The following ANO10 variants were observed in gnomAD, a reference collection of about 807,000 sequenced individuals.
The protein encoded by ANO10 is anoctamin 10, also known as anoctamin-10.
In ANO10, 77 loss-of-function variants were observed where a neutral mutation model predicts 74.7. The observed-to-expected ratio is 1.03, with a 90% CI of 0.86 to 1.25. ANO10 has a LOEUF of 1.25. Ranked by LOEUF, ANO10 falls within the 50% of genes most tolerant of loss-of-function variation. The pLI, the probability that ANO10 is intolerant of heterozygous loss-of-function variation, is 0.00. For synonymous variants in ANO10, 279 were observed against 284.9 expected (o/e 0.98, Z 0.21); for missense variants, 721 against 778.1 (o/e 0.93, Z 0.87).
At chr3:43,655,520 G>C (rs2083839338) in intron 1 of ANO10, among the ~76,000 whole-genome samples, 1 of 152,220 alleles carries the variant, frequency 6.6e-6, no homozygotes, top group Non-Finnish European at 1.5e-5. Flanking sequence ...GGCTGGGGCA[G>C]CCTGCTTTTA....
rs387906336 is a variant in ANO10, at chr3:43,691,032, GGA to G, written c.-12+483_-12+484del. On this transcript the variant is annotated intron_variant, in intron 1 of 3. Coordinates refer to the ANO10 transcript ENST00000413397. ...GGAGGAGGTGGACTCTGCCGACACC[GGA>G]GAGAGGTAAGCGCAGCCGGCAGGGG... 3 of 1,560,480 alleles carry G rather than the reference GGA, an allele frequency of 1.9e-6. No homozygotes were observed. The highest frequency in any genetic ancestry group is 2.6e-6 in the Non-Finnish European group (3 of 1,155,558).
At chr3:43,575,218 A>T (rs771453712) in intron 6 of ANO10, among the ~76,000 whole-genome samples, 1 of 152,078 alleles carries the variant, frequency 6.6e-6, no homozygotes, top group African/African-American at 2.4e-5. Flanking sequence ...GGCAATAAAT[A>T]AAGTTTTCTG....
intron 12 of ANO10, among the ~76,000 whole-genome samples, chr3:43,406,346 C>A (rs1318341404): frequency 6.6e-6 from 1 of 152,212 alleles, no homozygotes; most frequent in Non-Finnish European, 1.5e-5. Context: ...TTCTCACTCA[C>A]CACATTCAGC....
intron 11 of ANO10, among the ~76,000 whole-genome samples, chr3:43,486,206 A>G (rs914184112): frequency 3.9e-5 from 6 of 152,218 alleles, no homozygotes; most frequent in African/African-American, 1.4e-4. Context: ...GCCTCTAGCT[A>G]TGAGGCTTCA....
At chr3:43,394,377 C>T (rs1223747700) in intron 12 of ANO10, among the ~76,000 whole-genome samples, 1 of 152,128 alleles carries the variant, frequency 6.6e-6, no homozygotes, top group Non-Finnish European at 1.5e-5. Context: ...AATATACCAC[C>T]AGTAGCTCTG....
chr3:43,458,559 C>A (rs368325828), intron 11 of ANO10, among the ~76,000 whole-genome samples: 1 of 152,156 alleles, frequency 6.6e-6, no homozygotes, highest in African/African-American at 2.4e-5. Flanking sequence ...TTATGCATTA[C>A]AAATTCCTAT....
intron 11 of ANO10, among the ~76,000 whole-genome samples, chr3:43,454,922 C>T (rs2075057583): frequency 6.6e-6 from 1 of 151,948 alleles, no homozygotes; most frequent in South Asian, 2.1e-4. Flanking sequence ...TGAGGATGAT[C>T]CTATAGAAAG....
intron 11 of ANO10, among the ~76,000 whole-genome samples, chr3:43,501,351 G>A (rs776489243): frequency 6.6e-6 from 1 of 152,258 alleles, no homozygotes; most frequent in Non-Finnish European, 1.5e-5. Context: ...GGATCTGCCC[G>A]CATGACCCAA....
At chr3:43,683,958 A>C (rs2084238867) in intron 1 of ANO10, among the ~76,000 whole-genome samples, 1 of 152,226 alleles carries the variant, frequency 6.6e-6, no homozygotes, top group Non-Finnish European at 1.5e-5. Flanking sequence ...TAAATGTTAG[A>C]CCTAAAACCA....
intron 1 of ANO10, among the ~76,000 whole-genome samples, chr3:43,679,505 C>T (rs2084166424): frequency 6.6e-6 from 1 of 152,212 alleles, no homozygotes; most frequent in Non-Finnish European, 1.5e-5. Flanking sequence ...GTAGACTCCA[C>T]CTCTGGGGGC....
intron 1 of ANO10, among the ~76,000 whole-genome samples, chr3:43,607,120 G>GA (rs1278361727): frequency 6.6e-6 from 1 of 151,986 alleles, no homozygotes; most frequent in African/African-American, 2.4e-5. Flanking sequence ...TCCAAAATGT[G>GA]AAAAAATCCA....
intron 1 of ANO10, among the ~76,000 whole-genome samples, chr3:43,682,151 TG>T (rs2084210355): frequency 6.6e-6 from 1 of 152,028 alleles, no homozygotes; most frequent in African/African-American, 2.4e-5. Context: ...GCTAGTTTTT[TG>T]AAAAGATCAA....
At chr3:43,548,639 G>A (rs1254580441) in intron 11 of ANO10, among the ~76,000 whole-genome samples, 3 of 152,148 alleles carry the variant, frequency 2.0e-5, no homozygotes, top group Non-Finnish European at 4.4e-5. Flanking sequence ...TGAGTCCTAA[G>A]GCCTTAAGTA....
chr3:43,527,963 GA>G (rs1342315563), intron 11 of ANO10, among the ~76,000 whole-genome samples: 1 of 152,136 alleles, frequency 6.6e-6, no homozygotes, highest in African/African-American at 2.4e-5. Context: ...GTATCTCCTG[GA>G]GGCTGAAGAT....
In ANO10 at chr3:43,552,720, ATATATATATGTATGTATG is replaced by A. The variant is rs1232511602; in HGVS notation, c.1668+2540_1668+2557del. On this transcript the variant is annotated intron_variant, in intron 10 of 12. Coordinates refer to ENST00000292246, the MANE Select transcript of ANO10 (RefSeq NM_018075.5). ...TGGATATATATATATATATATATAT[ATATATATATGTATGTATG>A]TATGTATGTATGTATGTATGTATGT... Among the ~76,000 whole-genome samples the A allele has an allele frequency of 6.9e-4, 91 of 132,828 alleles. 1 individual carries two copies. The highest frequency in any genetic ancestry group is 2.3e-3 in the East Asian group (11 of 4,836). 87.1% of individuals were successfully genotyped at this position (132,828 alleles called of 152,430 possible). A position where few individuals can be genotyped will look rare whatever the true frequency, so the allele number is the denominator to read the frequency against.
intron 11 of ANO10, among the ~76,000 whole-genome samples, chr3:43,543,534 G>C (rs982351006): frequency 3.3e-5 from 5 of 151,950 alleles, no homozygotes; most frequent in Non-Finnish European, 7.4e-5. Context: ...GACTACAGGC[G>C]CCCGCCACAG....
At position 43,605,547 on chromosome 3, in the gene ANO10, A is replaced by G. The variant is rs556823452; in HGVS notation, c.139+167T>C. Among the ~76,000 whole-genome samples the G allele has an allele frequency of 5.9e-5, 9 of 152,324 alleles. No homozygotes were observed. The South Asian group carries it at 1.0e-3, about 18-fold the overall frequency. ...TTTAGGACCTCCTTTCAAGTCCCAG[A>G]TAGATAATAAAAGGCAAAAAATTTA... On this transcript the variant is annotated intron_variant, in intron 2 of 12. Transcript: ENST00000292246.
At chr3:43,404,805 C>T (rs1232065389) in intron 12 of ANO10, among the ~76,000 whole-genome samples, 2 of 149,024 alleles carry the variant, frequency 1.3e-5, no homozygotes, top group East Asian at 4.0e-4. Flanking sequence ...ATCATTTGAG[C>T]CCAGGAAGTT....
At chr3:43,388,874 A>G (rs934219921) in intron 12 of ANO10, among the ~76,000 whole-genome samples, 23 of 152,238 alleles carry the variant, frequency 1.5e-4, no homozygotes, top group African/African-American at 5.5e-4. Flanking sequence ...CCCAAATACT[A>G]TCTTCATGCC....
Sources: allele counts gnomAD v4.1 joint callset (sites outside exome capture counted in the v4.1 genomes callset), GRCh38; gene constraint gnomAD v4.1.1; transcripts MANE v1.5; gene names NCBI Gene and HGNC (gene_info 2026-07-23, HGNC 2026-07-21).